The following TUSC3 variants were observed in gnomAD, a reference collection of about 807,000 sequenced individuals.
TUSC3 encodes the protein dolichyl-diphosphooligosaccharide--protein glycosyltransferase subunit TUSC3.
In TUSC3, 45 loss-of-function variants were observed where a neutral mutation model predicts 44.8. The observed-to-expected ratio is 1.00, with a 90% confidence interval of 0.79 to 1.29. The LOEUF (loss-of-function observed/expected upper bound fraction) is 1.29, where lower values mean the gene tolerates loss of function less well. TUSC3 is among the 50% of genes most tolerant of loss of function. The probability of loss-of-function intolerance (pLI) is 0.00; values close to 1 mark genes in which losing one functional copy is unlikely to be tolerated. For missense variants in TUSC3, 519 were observed against 437.9 expected (o/e 1.19, Z -1.65); for synonymous variants, 212 against 152.9 (o/e 1.39, Z -2.85).
At chr8:15,692,664 T>TC (rs948086128) in intron 6 of TUSC3, among the ~76,000 whole-genome samples, 2 of 150,728 alleles carry the variant, frequency 1.3e-5, no homozygotes, top group African/African-American at 4.8e-5. Context: ...CTGAGGGCTT[T>TC]TTTTTTTTTC....
At chr8:15,786,121 G>C in the TUSC3 span, among the ~76,000 whole-genome samples, 2 of 152,104 alleles carry the variant, frequency 1.3e-5, no homozygotes, top group Non-Finnish European at 1.5e-5. Context: ...AAATGTAAAA[G>C]ATTTTTAAAT....
chr8:15,495,589 G>C (rs979913926), intron 2 of TUSC3, among the ~76,000 whole-genome samples: 2 of 152,082 alleles, frequency 1.3e-5, no homozygotes, highest in African/African-American at 2.4e-5. Context: ...TGAAATGTTT[G>C]TGTATTCCCC....
At chr8:15,642,678 A>G (rs1806430514) in intron 2 of TUSC3, among the ~76,000 whole-genome samples, 1 of 152,174 alleles carries the variant, frequency 6.6e-6, no homozygotes, top group Non-Finnish European at 1.5e-5. Flanking sequence ...TTGACTTCTC[A>G]GGTTTTGCAA....
At position 15,711,528 on chromosome 8, in the gene TUSC3, A is replaced by G. The variant is rs1224670901; in HGVS notation, c.799-19138A>G. Among the ~76,000 whole-genome samples the G allele has an allele frequency of 4.7e-5, 7 of 149,778 alleles. No homozygotes were observed. In the Admixed American group the frequency reaches 4.7e-4, roughly 10 times the overall value. On this transcript the variant is annotated intron_variant, in intron 6 of 10. Transcript: ENST00000503731. The stretch of plus-strand genomic sequence containing the variant: ...ATGTGTGTATATATATATATTTAAT[A>G]TATGTATATATATTTGTTTAAATCG...
intron 1 of TUSC3, among the ~76,000 whole-genome samples, chr8:15,604,716 T>C (rs1349401464): frequency 6.6e-6 from 1 of 151,796 alleles, no homozygotes; most frequent in South Asian, 2.1e-4. Flanking sequence ...CTTTGAACAG[T>C]CATTGATATT....
chr8:15,522,394 G>A (rs773746701), intron 2 of TUSC3, among the ~76,000 whole-genome samples: 1 of 152,046 alleles, frequency 6.6e-6, no homozygotes, highest in Non-Finnish European at 1.5e-5. Flanking sequence ...CAGCACACAT[G>A]TCTAAATTTT....
intron 10 of TUSC3, 28 bp downstream of exon 10, chr8:15,757,883 C>A: frequency 1.4e-6 from 2 of 1,407,386 alleles, no homozygotes; most frequent in Non-Finnish European, 2.0e-6. Context: ...CTCTGAGCCT[C>A]AGTTTTCCTC....
At chr8:15,822,275 G>T in the TUSC3 span, among the ~76,000 whole-genome samples, 1 of 152,108 alleles carries the variant, frequency 6.6e-6, no homozygotes, top group Non-Finnish European at 1.5e-5. Flanking sequence ...CAAATTAGCA[G>T]AAGATATAAA....
At chr8:15,631,183 C>T (rs955289403) in intron 2 of TUSC3, among the ~76,000 whole-genome samples, 1 of 152,086 alleles carries the variant, frequency 6.6e-6, no homozygotes, top group Non-Finnish European at 1.5e-5. Context: ...AATCCATGAC[C>T]AGTTTGGTAT....
At chr8:15,658,665 CAATATAT>C (rs1374842435) in intron 3 of TUSC3, among the ~76,000 whole-genome samples, 14 of 143,574 alleles carry the variant, frequency 9.8e-5, no homozygotes, top group African/African-American at 3.6e-4. Flanking sequence ...CACACAAATA[CAATATAT>C]ATACACATAC....
rs150368776 is a variant in TUSC3 at position 15,563,685 on chromosome 8, C to CAAAAAAAAAAAA, written c.138+23126_138+23137dup. Reference sequence around the variant, plus strand: ...TGAGTGACAGAGTGAGCCTCCATCTCAAAAAAAAAAAAAAAAAAAAGAACA... The same window carrying CAAAAAAAAAAAA: ...TGAGTGACAGAGTGAGCCTCCATCTCAAAAAAAAAAAAAAAAAAAAAAAAAAAAAAAAGAACA... On this transcript the variant is annotated intron_variant, in intron 1 of 10. Coordinates refer to ENST00000503731, the MANE Select transcript of TUSC3 (RefSeq NM_006765.4). 1.8e-3 allele frequency among the ~76,000 whole-genome samples: 142 copies of CAAAAAAAAAAAA among 79,874 alleles called. 2 individuals carry two copies. The highest frequency in any genetic ancestry group is 7.5e-3 in the East Asian group (20 of 2,676). The allele number at this position is 79,874 out of a possible 152,430, so 52.4% of individuals were successfully genotyped here. A position where few individuals can be genotyped will look rare whatever the true frequency, so the allele number is the denominator to read the frequency against.
At chr8:15,747,043 A>C (rs1011647409) in intron 8 of TUSC3, among the ~76,000 whole-genome samples, 1 of 152,078 alleles carries the variant, frequency 6.6e-6, no homozygotes, top group Admixed American at 6.6e-5. Flanking sequence ...CTTGGATGCT[A>C]TTAAATGTTT....
At chr8:15,451,029 A>G (rs1385706798) in intron 1 of TUSC3, among the ~76,000 whole-genome samples, 2 of 152,312 alleles carry the variant, frequency 1.3e-5, no homozygotes, top group Admixed American at 1.3e-4. Flanking sequence ...AGGAAACTTC[A>G]CAAACCTTTT....
intron 2 of TUSC3, among the ~76,000 whole-genome samples, chr8:15,628,993 A>G (rs1251169830): frequency 6.6e-6 from 1 of 152,256 alleles, no homozygotes; most frequent in Non-Finnish European, 1.5e-5. Context: ...GTTAAGCTAG[A>G]TTTCCACAAG....
In TUSC3 at chr8:15,717,578, C is replaced by G. The variant is rs1402965023; in HGVS notation, c.799-13088C>G. 2.0e-5 allele frequency among the ~76,000 whole-genome samples: 3 copies of G among 152,048 alleles called. No homozygotes were observed. In the East Asian group the frequency reaches 5.8e-4, roughly 29 times the overall value. ...TGTTTGAAATCCTGTTGCAGTATTA[C>G]GTACTTATCTCAATATAATCTACAT... is the stretch of plus-strand genomic sequence containing the variant. On this transcript the variant is annotated intron_variant, in intron 6 of 10. Transcript: ENST00000503731.
At chr8:15,518,584 A>G (rs1003196828) in intron 2 of TUSC3, among the ~76,000 whole-genome samples, 1 of 152,132 alleles carries the variant, frequency 6.6e-6, no homozygotes, top group Non-Finnish European at 1.5e-5. Context: ...AGCTTTTATA[A>G]TATTTATATC....
intron 3 of TUSC3, among the ~76,000 whole-genome samples, chr8:15,655,350 A>G (rs1346512218): frequency 6.6e-6 from 1 of 152,208 alleles, no homozygotes; most frequent in Non-Finnish European, 1.5e-5. Flanking sequence ...TCCACTAGTA[A>G]GGGAAAAATG....
chr8:15,662,709 G>A (rs73195134), intron 5 of TUSC3, among the ~76,000 whole-genome samples: 25,533 of 151,768 alleles, frequency 0.17, 2,200 homozygotes, highest in South Asian at 0.26. Flanking sequence ...AGATACTGGC[G>A]ATATAAAGTT....
intron 2 of TUSC3, among the ~76,000 whole-genome samples, chr8:15,636,867 T>C (rs1299991252): frequency 7.2e-5 from 11 of 152,176 alleles, no homozygotes; most frequent in Non-Finnish European, 1.6e-4. Context: ...GCTGGGGAAA[T>C]TGAGTGTTTG....
Sources: allele counts gnomAD v4.1 joint callset (sites outside exome capture counted in the v4.1 genomes callset), GRCh38; gene constraint gnomAD v4.1.1; transcripts MANE v1.5; gene names NCBI Gene and HGNC (gene_info 2026-07-23, HGNC 2026-07-21).